The following MTDH variants were observed in gnomAD, a reference collection of about 807,000 sequenced individuals.
MTDH encodes the protein protein LYRIC.
A neutral mutation model predicts 72.7 loss-of-function variants in MTDH; 34 were observed. The ratio of observed to expected loss-of-function variants is 0.47; its 90% CI spans 0.36 to 0.62. The LOEUF is 0.62. Ranked by LOEUF, MTDH falls within the 20% of genes least tolerant of loss-of-function variation. MTDH has a pLI of 0.00. For synonymous variants in MTDH, 266 were observed against 268.9 expected, an observed-to-expected ratio of 0.99 and a Z score of 0.10; for missense variants, 677 against 699.4, an observed-to-expected ratio of 0.97 and a Z score of 0.36.
chr8:97,664,075 G>A (rs1407884354), intron 2 of MTDH, among the ~76,000 whole-genome samples: 5 of 152,146 alleles, frequency 3.3e-5, no homozygotes, highest in African/African-American at 1.2e-4. Flanking sequence ...GATACAGTTG[G>A]CCGGGCACAA....
At position 97,707,962 on chromosome 8, in the gene MTDH, C is replaced by CT. The variant is rs200601710; in HGVS notation, c.1272+1224dup. 4.5e-3 allele frequency among the ~76,000 whole-genome samples: 658 copies of CT among 144,630 alleles called. 17 individuals are homozygous for CT. The East Asian group carries it at 0.066, about 14-fold the overall frequency. The allele number at this position is 144,630 out of a possible 152,430, so 94.9% of individuals were successfully genotyped here. On this transcript the variant is annotated intron_variant, in intron 8 of 11. Transcript: ENST00000336273. ...GCCTTTAACAAGTGGATGGATTGGT[C>CT]TTTTTTTTTTTTCTTTTTCTTTTTG...
At chr8:97,721,715 G>A (rs1445087406) in intron 10 of MTDH, among the ~76,000 whole-genome samples, 3 of 152,100 alleles carry the variant, frequency 2.0e-5, no homozygotes, top group Non-Finnish European at 4.4e-5. Context: ...TCATTACCAG[G>A]TCCTGATCAT....
At chr8:97,721,913 A>G (rs2131087742) in intron 10 of MTDH, among the ~76,000 whole-genome samples, 1 of 152,336 alleles carries the variant, frequency 6.6e-6, no homozygotes, top group Middle Eastern at 3.4e-3. Context: ...TAGGACTGGT[A>G]ACCACAGTGT....
At chr8:97,647,171 G>A (rs1711737289) in intron 1 of MTDH, among the ~76,000 whole-genome samples, 1 of 152,152 alleles carries the variant, frequency 6.6e-6, no homozygotes, top group Non-Finnish European at 1.5e-5. Flanking sequence ...ATACAATATG[G>A]GCATATCTCT....
Position 97,699,785 on chromosome 8 carries a change from C to G in MTDH, c.1080C>G (p.Thr360=). ...GSTAEPVSQS[T]TSDYQWDVSR... ...CTGCTGAGCCAGTTTCTCAGTCTAC[C>G]ACTTCTGATTATCAGTGGGATGTTA... Residue 360 remains threonine (T), a synonymous_variant, in exon 7 of 12, where the codon ACC becomes ACG. Coordinates refer to ENST00000336273, the MANE Select transcript of MTDH (RefSeq NM_178812.4). 4 of 1,613,024 alleles carry G rather than the reference C, an allele frequency of 2.5e-6. No individual in the cohort carries two copies. The highest frequency in any genetic ancestry group is 3.4e-6 in the Non-Finnish European group (4 of 1,179,232).
At chr8:97,708,668 C>T (rs1419685238) in intron 8 of MTDH, among the ~76,000 whole-genome samples, 6 of 120,986 alleles carry the variant, frequency 5.0e-5, no homozygotes, top group Non-Finnish European at 8.0e-5. Flanking sequence ...GGCATGATCT[C>T]GGCTCTCTGC....
chr8:97,687,467 C>T lies in MTDH; in HGVS notation c.607C>T (p.Gln203Ter). 6.2e-7 allele frequency: 1 copy of T among 1,606,626 alleles called. No homozygotes were observed. The highest frequency in any genetic ancestry group is 8.5e-7 in the Non-Finnish European group (1 of 1,176,942). The change falls in exon 4 of 12, where the codon CAG becomes TAG. Residue 203 changes from glutamine to a stop codon, truncating the protein, a stop_gained. Coordinates refer to ENST00000336273, the MANE Select transcript of MTDH (RefSeq NM_178812.4). LOFTEE classifies it high-confidence loss of function. ...ETKISHREKRQQRKRDKVLTD... is the reference protein window; with the variant it reads ...ETKISHREKR ...TAAAATTAGTCACAGAGAGAAACGACAGCAGCGTAAACGTGATAAGGTGCT... is the reference window on the plus strand; with the variant it reads ...TAAAATTAGTCACAGAGAGAAACGATAGCAGCGTAAACGTGATAAGGTGCT...
At chr8:97,718,854 A>T (rs1814987009) in intron 9 of MTDH, among the ~76,000 whole-genome samples, 195 bp from the exon 10 acceptor site, 1 of 151,056 alleles carries the variant, frequency 6.6e-6, no homozygotes, top group Non-Finnish European at 1.5e-5. Flanking sequence ...ACACCACCAC[A>T]TGTGACTAAT....
intron 6 of MTDH, among the ~76,000 whole-genome samples, chr8:97,698,210 T>C (rs545513904): frequency 2.0e-5 from 3 of 152,322 alleles, no homozygotes; most frequent in South Asian, 2.1e-4. Flanking sequence ...TCCTAACCAT[T>C]TCTTTATACA....
chr8:97,651,542 G>A lies in MTDH; in HGVS notation c.381+6655G>A, dbSNP rs72669695. On this transcript the variant is annotated intron_variant, in intron 1 of 11. Transcript: ENST00000336273. ...TGGAGGCTTGACCTCAGCTGGGAAT[G>A]TGCCTGCAGAGTGACTTTGCAGCTC... Among the ~76,000 whole-genome samples, 364 of 152,360 alleles carry A rather than the reference G, an allele frequency of 2.4e-3. 1 individual carries two copies. The highest frequency in any genetic ancestry group is 3.9e-3 in the Non-Finnish European group (265 of 68,040).
chr8:97,714,147 C>A (rs1307820149), intron 9 of MTDH, among the ~76,000 whole-genome samples: 4 of 152,180 alleles, frequency 2.6e-5, no homozygotes, highest in Admixed American at 6.5e-5. Flanking sequence ...GAGTCTTTCA[C>A]TTGACTTTGA....
intron 10 of MTDH, 102 bp from the exon 11 acceptor site, chr8:97,722,777 A>T (rs541408641): frequency 1.8e-6 from 2 of 1,135,704 alleles, no homozygotes; most frequent in Non-Finnish European, 2.5e-6. Flanking sequence ...AAACCATATT[A>T]GTATTGAATT....
In MTDH at chr8:97,677,180, C is replaced by CAAA. The variant is rs71271142; in HGVS notation, c.484-9459_484-9457dup. Among the ~76,000 whole-genome samples the CAAA allele has an allele frequency of 1.2e-3, 54 of 44,066 alleles. 1 individual carries two copies. Among genetic ancestry groups the CAAA allele is most frequent in the African/African-American group, 2.4e-3 (22 of 9,004 alleles). The allele number at this position is 44,066 out of a possible 152,430, so 28.9% of individuals were successfully genotyped here. A position where few individuals can be genotyped will look rare whatever the true frequency, so the allele number is the denominator to read the frequency against. On this transcript the variant is annotated intron_variant, in intron 2 of 11. Transcript: ENST00000336273. ...CCTGGGCAACAGTAAAAGCCTGTCTCAAAAAAAAAAAAAAAAAAAAAAAAA... is the reference window on the plus strand; with the variant it reads ...CCTGGGCAACAGTAAAAGCCTGTCTCAAAAAAAAAAAAAAAAAAAAAAAAAAAA...
At chr8:97,689,213 A>G (rs2131005106) in intron 5 of MTDH, 110 bp downstream of exon 5, 1 of 548,992 alleles carries the variant, frequency 1.8e-6, no homozygotes, top group East Asian at 3.0e-5. Context: ...AAGTCTTAAA[A>G]TGATTTTTAA....
In MTDH at chr8:97,662,791, A is replaced by G. The variant is rs34567043; in HGVS notation, c.483+1618A>G. Among the ~76,000 whole-genome samples the G allele has an allele frequency of 9.7e-3, 1,468 of 151,232 alleles. 14 individuals carry two copies. The highest frequency in any genetic ancestry group is 0.016 in the Non-Finnish European group (1,085 of 67,834). On this transcript the variant is annotated intron_variant, in intron 2 of 11. Transcript: ENST00000336273. ...AAAGAGCGAGACTCTGTCAAAAAAAAAAAGAAAGAAAGAAAGAAAGAAATG... is the reference window on the plus strand; with the variant it reads ...AAAGAGCGAGACTCTGTCAAAAAAAGAAAGAAAGAAAGAAAGAAAGAAATG...
chr8:97,701,908 A>G (rs1335259163), intron 7 of MTDH, among the ~76,000 whole-genome samples: 1 of 152,218 alleles, frequency 6.6e-6, no homozygotes, highest in Non-Finnish European at 1.5e-5. Flanking sequence ...CAGAAACACC[A>G]TCTTCCTCAA....
At chr8:97,707,702 T>C in intron 8 of MTDH, among the ~76,000 whole-genome samples, 1 of 152,028 alleles carries the variant, frequency 6.6e-6, no homozygotes, top group East Asian at 1.9e-4. Context: ...TGCCAACCCC[T>C]GTTTTAGCAT....
In MTDH at chr8:97,644,537, G is replaced by T. The variant is rs748391517; in HGVS notation, c.31G>T (p.Ala11Ser). The change falls in exon 1 of 12, where the codon GCC becomes TCC. Residue 11 changes from alanine to serine, a missense_variant. Physicochemically the swap from Ala to Ser is moderately conservative, Grantham distance 99. This residue lies in a region of MTDH where 467 missense variants were observed against 469.1 expected (regional missense o/e 1.00). Transcript: ENST00000336273. ...TGCACGGAGCTGGCAGGACGAGCTG[G>T]CCCAGCAGGCCGAGGAGGGCTCGGC... is the stretch of plus-strand genomic sequence containing the variant. MAARSWQDEL[A>S]QQAEEGSARL... The T allele has an allele frequency of 1.9e-6, 3 of 1,597,172 alleles. No individual in the cohort carries two copies. The highest frequency in any genetic ancestry group is 2.6e-6 in the Non-Finnish European group (3 of 1,176,268).
At chr8:97,723,472 G>A (rs929391395) in intron 11 of MTDH, among the ~76,000 whole-genome samples, 5 of 143,808 alleles carry the variant, frequency 3.5e-5, no homozygotes, top group South Asian at 2.2e-4. Flanking sequence ...TGCCGGGTGC[G>A]GTGGCTCACG....
Sources: allele counts gnomAD v4.1 joint callset (sites outside exome capture counted in the v4.1 genomes callset), GRCh38; gene constraint gnomAD v4.1.1; regional missense constraint gnomAD v4.1.1; transcripts MANE v1.5; gene names NCBI Gene and HGNC (gene_info 2026-07-23, HGNC 2026-07-21).